NDUFB9: variants seen among roughly 807,000 people sequenced by gnomAD.
NDUFB9 encodes the protein NADH dehydrogenase [ubiquinone] 1 beta subcomplex subunit 9.
NDUFB9 carries 24 observed loss-of-function variants against 30.2 expected under a neutral mutation model. The ratio of observed to expected loss-of-function variants is 0.80; its 90% confidence interval spans 0.58 to 1.12. NDUFB9 has a LOEUF of 1.12. Among genes scored for constraint, NDUFB9 ranks in the 50% most tolerant of loss-of-function variants. The probability of loss-of-function intolerance (pLI) is 0.00; values close to 1 mark genes in which losing one functional copy is unlikely to be tolerated. For synonymous variants in NDUFB9, 80 were observed against 84.0 expected (o/e 0.95, Z 0.26); for missense variants, 204 against 226.0 (o/e 0.90, Z 0.62).
intron 1 of NDUFB9, 187 bp downstream of exon 1, chr8:124,539,474 T>G (rs991182797): frequency 3.3e-6 from 2 of 608,214 alleles, no homozygotes; most frequent in Admixed American, 2.9e-5. Context: ...CGGGAGACCT[T>G]GTAGAGTTGC....
Position 124,545,941 on chromosome 8 carries a change from C to G in NDUFB9, c.295-1059C>G, listed in dbSNP as rs957702135. Among the ~76,000 whole-genome samples, 23 of 152,222 alleles carry G rather than the reference C, an allele frequency of 1.5e-4. 1 individual carries two copies. The highest frequency in any genetic ancestry group is 2.0e-4 in the Admixed American group (3 of 15,284). On this transcript the variant is annotated intron_variant, in intron 2 of 3. Transcript: ENST00000276689. The stretch of plus-strand genomic sequence containing the variant: ...CACCGCAACCTCCACCTCCCAGGTT[C>G]AAGCGATTCTCCTACCTCAGTCTCC...
At chr8:124,545,877 G>A (rs1048283974) in intron 2 of NDUFB9, among the ~76,000 whole-genome samples, 2 of 149,330 alleles carry the variant, frequency 1.3e-5, no homozygotes, top group Non-Finnish European at 3.0e-5. Flanking sequence ...GGGGGACAGA[G>A]TTTTGCCCAG....
chr8:124,542,493 G>A (rs980329353), intron 1 of NDUFB9, among the ~76,000 whole-genome samples: 4 of 152,166 alleles, frequency 2.6e-5, no homozygotes, highest in Admixed American at 2.0e-4. Context: ...TCACAGCTCC[G>A]TACTTTCAGG....
intron 3 of NDUFB9, among the ~76,000 whole-genome samples, chr8:124,548,912 G>T (rs1822240547): frequency 6.6e-6 from 1 of 152,190 alleles, no homozygotes; most frequent in Non-Finnish European, 1.5e-5. Flanking sequence ...TGCTGGTTCT[G>T]GTGATAACAC....
chr8:124,549,753 C>T lies in NDUFB9; in HGVS notation c.409-8C>T, dbSNP rs1198036567. ...TTTGGTAATGATTCCTTCCTTGCCT[C>T]CTTCTAGGTTAAGCAGCTGCAGGAG... On this transcript the variant is annotated splice_polypyrimidine_tract_variant and splice_region_variant and intron_variant, in intron 3 of 3. Transcript: ENST00000276689. 6.2e-7 allele frequency: 1 copy of T among 1,613,838 alleles called. No individual in the cohort carries two copies. Among genetic ancestry groups the T allele is most frequent in the East Asian group, 2.2e-5 (1 of 44,886 alleles).
chr8:124,540,582 GA>G (rs1419124227), intron 1 of NDUFB9, among the ~76,000 whole-genome samples: 3 of 152,004 alleles, frequency 2.0e-5, no homozygotes, highest in African/African-American at 4.8e-5. Flanking sequence ...AGTTAAACAT[GA>G]AAAAAAGAAT....
intron 2 of NDUFB9, among the ~76,000 whole-genome samples, chr8:124,545,596 A>G (rs1281692088): frequency 6.7e-6 from 1 of 148,422 alleles, no homozygotes; most frequent in Non-Finnish European, 1.5e-5. Context: ...TAGCATGATC[A>G]TAGCTCACTG....
chr8:124,541,106 C>T (rs1396856179), intron 1 of NDUFB9, among the ~76,000 whole-genome samples: 1 of 152,088 alleles, frequency 6.6e-6, no homozygotes, highest in Non-Finnish European at 1.5e-5. Context: ...GCAGAGGCTG[C>T]AGTGAGCCGA....
intron 3 of NDUFB9, 57 bp downstream of exon 3, chr8:124,547,170 C>A: frequency 7.3e-7 from 1 of 1,361,870 alleles, no homozygotes; most frequent in Non-Finnish European, 1.0e-6. Context: ...TGAAGTTTTG[C>A]TCCCCACAAG....
At chr8:124,542,828 TGTTTA>T in intron 1 of NDUFB9, 2 of 121,468 alleles carry the variant, frequency 1.6e-5, no homozygotes, top group South Asian at 1.8e-4. Flanking sequence ...TTTTTTTTTT[TGTTTA>T]AATCCTCATT....
intron 2 of NDUFB9, chr8:124,546,598 G>A (rs893598369): frequency 3.9e-6 from 1 of 256,208 alleles, no homozygotes; most frequent in South Asian, 4.9e-5. Context: ...ATTTAAGGTC[G>A]TACAGTATAC....
chr8:124,548,901 G>T (rs1035125143), intron 3 of NDUFB9, among the ~76,000 whole-genome samples: 2 of 152,188 alleles, frequency 1.3e-5, no homozygotes, highest in African/African-American at 2.4e-5. Context: ...TTTGGAAGTT[G>T]TGCTGGTTCT....
chr8:124,541,111 A>G (rs1384194069), intron 1 of NDUFB9, among the ~76,000 whole-genome samples: 1 of 152,206 alleles, frequency 6.6e-6, no homozygotes, highest in Admixed American at 6.5e-5. Flanking sequence ...GGCTGCAGTG[A>G]GCCGAGATAG....
intron 1 of NDUFB9, 140 bp from the exon 2 acceptor site, chr8:124,542,947 A>G (rs1822056812): frequency 1.2e-6 from 1 of 800,034 alleles, no homozygotes; most frequent in South Asian, 1.5e-5. Context: ...AGCCATGATG[A>G]TACGGCTGCT....
At chr8:124,545,695 A>T (rs1223095576) in intron 2 of NDUFB9, among the ~76,000 whole-genome samples, 3 of 151,984 alleles carry the variant, frequency 2.0e-5, no homozygotes, top group African/African-American at 7.3e-5. Flanking sequence ...CACCTAGCTA[A>T]TTTATTTTAT....
intron 3 of NDUFB9, among the ~76,000 whole-genome samples, chr8:124,549,018 C>T (rs1563709872): frequency 1.3e-5 from 2 of 152,194 alleles, no homozygotes; most frequent in East Asian, 1.9e-4. Flanking sequence ...AATGTCTCAC[C>T]GTTTAGAAGC....
intron 3 of NDUFB9, among the ~76,000 whole-genome samples, chr8:124,547,839 T>C (rs10092569): frequency 0.52 from 78,893 of 151,802 alleles, 20,938 homozygotes; most frequent in African/African-American, 0.62. Context: ...AATAATTAGC[T>C]GGGCGTGGGG....
chr8:124,541,642 T>C (rs1429049197), intron 1 of NDUFB9, among the ~76,000 whole-genome samples: 1 of 152,184 alleles, frequency 6.6e-6, no homozygotes, highest in Non-Finnish European at 1.5e-5. Flanking sequence ...TCGCTTATGT[T>C]GCCCAGGCTG....
rs142579814 is a variant in NDUFB9 at position 124,543,186 on chromosome 8, C to T, written c.201C>T (p.Ala67=). 2.0e-3 allele frequency: 3,211 copies of T among 1,614,164 alleles called. 4 individuals carry two copies. The highest frequency in any genetic ancestry group is 2.4e-3 in the Non-Finnish European group (2,881 of 1,180,014). The change falls in exon 2 of 4, where the codon GCC becomes GCT. Residue 67 remains alanine (A), a synonymous_variant. Transcript: ENST00000276689. ...AGGCCACCCAGCTGCTGAAGGAGGC[C>T]GAGGAAGAATTCTGGTACCGTCAGC... ...MAKATQLLKE[A]EEEFWYRQHP...
Sources: gnomAD v4.1 joint callset for allele counts (sites outside exome capture counted in the v4.1 genomes callset) on GRCh38, gnomAD v4.1.1 for gene constraint, MANE v1.5 for transcripts, NCBI Gene and HGNC (gene_info 2026-07-23, HGNC 2026-07-21) for gene names.